The following MS4A4E variants were observed in gnomAD, a reference collection of about 807,000 sequenced individuals.
The protein encoded by MS4A4E is putative membrane-spanning 4-domains subfamily A member 4E.
In MS4A4E, 23 loss-of-function variants were observed where a neutral mutation model predicts 13.3. The ratio of observed to expected loss-of-function variants is 1.73; its 90% CI spans 1.25 to 2.45. MS4A4E has a LOEUF of 2.45. Among genes scored for constraint, MS4A4E ranks in the 30% most tolerant of loss-of-function variants. The pLI is 0.00. For missense variants in MS4A4E, 144 were observed against 131.2 expected, an observed-to-expected ratio of 1.10 and a Z score of -0.48; for synonymous variants, 36 against 45.6, an observed-to-expected ratio of 0.79 and a Z score of 0.85.
intron 6 of MS4A4E, among the ~76,000 whole-genome samples, chr11:60,208,047 G>A (rs1375685145): frequency 6.6e-6 from 1 of 152,146 alleles, no homozygotes. Flanking sequence ...GAGAAAGGAA[G>A]GGGAAAAAGA....
In MS4A4E at chr11:60,234,879, AT is replaced by A. The variant is rs200463031; in HGVS notation, c.-16-4809del. The stretch of plus-strand genomic sequence containing the variant: ...AATTCTTCAATCACAGAGTGGCTGA[AT>A]TTAAAAAAAAAAACAGATCTATATG... On this transcript the variant is annotated intron_variant, in intron 1 of 8. Coordinates refer to ENST00000651255, the MANE Select transcript of MS4A4E (RefSeq NM_001393391.1). Among the ~76,000 whole-genome samples the A allele has an allele frequency of 4.1e-3, 536 of 130,734 alleles. 3 individuals are homozygous for A. The highest frequency in any genetic ancestry group is 0.013 in the African/African-American group (508 of 38,844). The allele number at this position is 130,734 out of a possible 152,430, so 85.8% of individuals were successfully genotyped here.
chr11:60,236,573 AT>A (rs928684606), intron 1 of MS4A4E, among the ~76,000 whole-genome samples: 25 of 151,968 alleles, frequency 1.6e-4, no homozygotes, highest in African/African-American at 5.8e-4. Flanking sequence ...TCTTAATTTC[AT>A]TTTTAAATTA....
At chr11:60,206,550 TATA>T (rs1184749269) in intron 6 of MS4A4E, 2 of 148,192 alleles carry the variant, frequency 1.3e-5, no homozygotes, top group Non-Finnish European at 3.0e-5. Flanking sequence ...TTGGATTCCA[TATA>T]ATAATGATAT....
At chr11:60,206,666 T>C (rs555642405) in intron 6 of MS4A4E, 1 of 228,808 alleles carries the variant, frequency 4.4e-6, no homozygotes, top group Non-Finnish European at 1.0e-5. Context: ...TGTTAATCTT[T>C]TGGTGGCATC....
intron 3 of MS4A4E, among the ~76,000 whole-genome samples, chr11:60,225,255 A>T (rs1000602314): frequency 1.2e-4 from 18 of 152,160 alleles, no homozygotes; most frequent in Non-Finnish European, 2.2e-4. Flanking sequence ...AACCATGAAT[A>T]TTATCTTACC....
At chr11:60,224,844 G>T in intron 3 of MS4A4E, 2 of 834,898 alleles carry the variant, frequency 2.4e-6, no homozygotes, top group East Asian at 2.9e-5. Flanking sequence ...GTTTAAAAAG[G>T]TTAGATACCA....
chr11:60,222,531 G>A (rs776685158), intron 3 of MS4A4E, among the ~76,000 whole-genome samples: 21 of 152,150 alleles, frequency 1.4e-4, no homozygotes, highest in Admixed American at 7.2e-4. Context: ...CTGAATCAGC[G>A]TCTAATATAA....
chr11:60,207,617 A>G (rs560689263), intron 6 of MS4A4E, among the ~76,000 whole-genome samples: 35 of 152,244 alleles, frequency 2.3e-4, no homozygotes, highest in African/African-American at 8.2e-4. Context: ...TCAAACTACA[A>G]TTACTTTATT....
chr11:60,219,628 G>A (rs1590715299), intron 3 of MS4A4E, among the ~76,000 whole-genome samples: 1 of 152,152 alleles, frequency 6.6e-6, no homozygotes, highest in African/African-American at 2.4e-5. Context: ...GAATGAAAAG[G>A]AGGCCAGGTC....
At chr11:60,215,885 A>G (rs192530762) in intron 3 of MS4A4E, among the ~76,000 whole-genome samples, 14 of 152,340 alleles carry the variant, frequency 9.2e-5, no homozygotes, top group African/African-American at 3.4e-4. Context: ...TAAACATATT[A>G]GAAGTGTGTA....
At chr11:60,216,735 T>C (rs1213884769) in intron 3 of MS4A4E, among the ~76,000 whole-genome samples, 2 of 152,110 alleles carry the variant, frequency 1.3e-5, no homozygotes, top group Non-Finnish European at 2.9e-5. Flanking sequence ...CAAAGTATTG[T>C]TCCTGGGTGT....
At chr11:60,239,239 T>C (rs532094004) in intron 1 of MS4A4E, among the ~76,000 whole-genome samples, 1 of 152,348 alleles carries the variant, frequency 6.6e-6, no homozygotes, top group East Asian at 1.9e-4. Flanking sequence ...CTGTGAATAA[T>C]ACAGCATATC....
At chr11:60,232,857 A>G (rs1030431265) in intron 1 of MS4A4E, among the ~76,000 whole-genome samples, 2 of 152,100 alleles carry the variant, frequency 1.3e-5, no homozygotes, top group Non-Finnish European at 2.9e-5. Context: ...AACTGCCGCT[A>G]TCTACTCTCT....
chr11:60,223,657 C>T (rs898881017), intron 3 of MS4A4E, among the ~76,000 whole-genome samples: 2 of 152,164 alleles, frequency 1.3e-5, no homozygotes, highest in African/African-American at 2.4e-5. Flanking sequence ...ACAATCTACT[C>T]AGCTGCCAGT....
intron 3 of MS4A4E, among the ~76,000 whole-genome samples, chr11:60,219,414 G>A (rs573233315): frequency 1.3e-5 from 2 of 152,316 alleles, no homozygotes; most frequent in African/African-American, 2.4e-5. Context: ...TCTGACTTGT[G>A]TAGAGCTCTG....
intron 3 of MS4A4E, among the ~76,000 whole-genome samples, chr11:60,217,957 C>G (rs981973353): frequency 6.6e-6 from 1 of 152,198 alleles, no homozygotes; most frequent in East Asian, 1.9e-4. Flanking sequence ...ATTCTGACCA[C>G]CGGTGAGCCG....
chr11:60,206,145 GAAAAAGC>G (rs1018654942), intron 6 of MS4A4E, among the ~76,000 whole-genome samples: 9 of 152,006 alleles, frequency 5.9e-5, no homozygotes, highest in Non-Finnish European at 1.2e-4. Flanking sequence ...CTTCATGAAG[GAAAAAGC>G]ACTTTGGTCC....
At chr11:60,239,056 CCAA>C (rs2084517353) in intron 1 of MS4A4E, among the ~76,000 whole-genome samples, 1 of 152,212 alleles carries the variant, frequency 6.6e-6, no homozygotes, top group African/African-American at 2.4e-5. Flanking sequence ...ACCCAAATGT[CCAA>C]CAACTGAGGA....
chr11:60,220,707 G>A (rs745310393), intron 3 of MS4A4E, among the ~76,000 whole-genome samples: 6 of 152,148 alleles, frequency 3.9e-5, no homozygotes, highest in Non-Finnish European at 5.9e-5. Context: ...AATTTCTAGG[G>A]GTTCAGTGGT....
Sources: allele counts gnomAD v4.1 joint callset (sites outside exome capture counted in the v4.1 genomes callset), GRCh38; gene constraint gnomAD v4.1.1; transcripts MANE v1.5; gene names NCBI Gene and HGNC (gene_info 2026-07-23, HGNC 2026-07-21).